Variants in MRPL3 observed in about 807,000 individuals in gnomAD.
MRPL3 encodes mitochondrial ribosomal protein L3.
MRPL3 carries 43 observed loss-of-function variants against 44.3 expected under a neutral mutation model. That is an observed-to-expected ratio of 0.97 (90% CI 0.76 to 1.25). The LOEUF (loss-of-function observed/expected upper bound fraction) is 1.25, where lower values mean the gene tolerates loss of function less well. MRPL3 is among the 50% of genes most tolerant of loss of function. MRPL3 has a pLI of 0.00. For synonymous variants in MRPL3, 171 were observed against 152.3 expected (o/e 1.12, Z -0.91); for missense variants, 406 against 427.6 (o/e 0.95, Z 0.45).
chr3:131,479,046 G>T (rs955529749), intron 6 of MRPL3: 6 of 461,588 alleles, frequency 1.3e-5, no homozygotes, highest in Admixed American at 4.9e-5. Context: ...CTAAGTAGAG[G>T]TTTTTCAATT....
chr3:131,466,548 T>G (rs932608647), intron 9 of MRPL3, among the ~76,000 whole-genome samples: 1 of 152,106 alleles, frequency 6.6e-6, no homozygotes, highest in African/African-American at 2.4e-5. Flanking sequence ...TTAAAAGATA[T>G]AATCAGAGCA....
intron 6 of MRPL3, among the ~76,000 whole-genome samples, chr3:131,481,887 G>A (rs1474900412): frequency 1.3e-5 from 2 of 152,182 alleles, no homozygotes; most frequent in African/African-American, 4.8e-5. Flanking sequence ...GTACAGGACA[G>A]CACAGCAACT....
intron 6 of MRPL3, among the ~76,000 whole-genome samples, chr3:131,476,678 A>G (rs1933859788): frequency 6.6e-6 from 1 of 152,224 alleles, no homozygotes; most frequent in South Asian, 2.1e-4. Context: ...TAGAGTATCT[A>G]TACTAAAATA....
chr3:131,497,368 T>G (rs1452028724), intron 4 of MRPL3, among the ~76,000 whole-genome samples: 1 of 152,246 alleles, frequency 6.6e-6, no homozygotes, highest in Non-Finnish European at 1.5e-5. Flanking sequence ...AAAAGTTAAC[T>G]ATCAGAAAAT....
intron 8 of MRPL3, 41 bp from the exon 9 acceptor site, chr3:131,468,209 G>T (rs1462174819): frequency 1.7e-6 from 2 of 1,180,870 alleles, no homozygotes. Flanking sequence ...GGATATACTT[G>T]TATTAAAACA....
Position 131,502,823 on chromosome 3 carries a change from G to A in MRPL3, c.-2C>T, listed in dbSNP as rs1435845210. ...CGTCAGCAGCCTCCAACCCGGCATG[G>A]ATTAGCCCGGGAAGACTCGACTCAC... On this transcript the variant is annotated 5_prime_UTR_variant, in exon 1 of 10. Transcript: ENST00000264995. 6.2e-7 allele frequency: 1 copy of A among 1,611,752 alleles called. No homozygotes were observed. Among genetic ancestry groups the A allele is most frequent in the Admixed American group, 1.7e-5 (1 of 59,858 alleles).
chr3:131,492,087 A>C (rs986860064), intron 4 of MRPL3, among the ~76,000 whole-genome samples: 3 of 152,136 alleles, frequency 2.0e-5, no homozygotes, highest in African/African-American at 4.8e-5. Context: ...CTTTTCTGCC[A>C]TATTTTTGCA....
At chr3:131,473,148 T>C (rs1582703950) in intron 6 of MRPL3, among the ~76,000 whole-genome samples, 1 of 152,104 alleles carries the variant, frequency 6.6e-6, no homozygotes, top group South Asian at 2.1e-4. Flanking sequence ...ATCATACTAC[T>C]TGACTTCAAA....
At chr3:131,482,147 G>A (rs941244828) in intron 6 of MRPL3, among the ~76,000 whole-genome samples, 1 of 152,112 alleles carries the variant, frequency 6.6e-6, no homozygotes, top group Non-Finnish European at 1.5e-5. Context: ...TTGAATGAAA[G>A]GATCCAAACT....
intron 4 of MRPL3, among the ~76,000 whole-genome samples, chr3:131,496,787 T>A (rs1251410198): frequency 1.3e-5 from 2 of 152,246 alleles, no homozygotes; most frequent in African/African-American, 2.4e-5. Context: ...TTAACTAATT[T>A]AACAATCTGA....
chr3:131,480,649 T>C (rs1388008130), intron 6 of MRPL3, among the ~76,000 whole-genome samples: 1 of 152,114 alleles, frequency 6.6e-6, no homozygotes, highest in African/African-American at 2.4e-5. Context: ...AACACCACAT[T>C]TGCTGTCCTG....
intron 3 of MRPL3, among the ~76,000 whole-genome samples, chr3:131,500,026 G>A (rs547934515): frequency 2.5e-4 from 38 of 152,144 alleles, no homozygotes; most frequent in Non-Finnish European, 5.4e-4. Context: ...TTACCTTAGT[G>A]AACAAAATAC....
intron 6 of MRPL3, among the ~76,000 whole-genome samples, chr3:131,485,844 C>A (rs1175666278): frequency 6.6e-6 from 1 of 152,100 alleles, no homozygotes; most frequent in Admixed American, 6.5e-5. Flanking sequence ...CTAGCACTCC[C>A]CCAGTTTCTT....
intron 6 of MRPL3, among the ~76,000 whole-genome samples, chr3:131,473,789 T>C (rs373005435): frequency 6.6e-5 from 10 of 150,876 alleles, no homozygotes; most frequent in African/African-American, 2.4e-4. Flanking sequence ...GACAAAGAAA[T>C]GGCCAAGTAT....
chr3:131,480,812 T>C (rs1933966284), intron 6 of MRPL3, among the ~76,000 whole-genome samples: 1 of 152,232 alleles, frequency 6.6e-6, no homozygotes, highest in Non-Finnish European at 1.5e-5. Context: ...TACTGTCATG[T>C]ATTATTTCTT....
chr3:131,502,936 T>C lies in MRPL3; in HGVS notation c.-115A>G, dbSNP rs572447045. 18 of 964,832 alleles carry C rather than the reference T, an allele frequency of 1.9e-5. No individual in the cohort carries two copies. Among genetic ancestry groups the C allele is most frequent in the East Asian group, 1.1e-4 (4 of 37,446 alleles). 59.8% of individuals were successfully genotyped at this position (964,832 alleles called of 1,614,324 possible). A position where few individuals can be genotyped will look rare whatever the true frequency, so the allele number is the denominator to read the frequency against. ...AGTAGCCGTGGGGAAGTTTTCGCAATGGCCGCCGGAACGGTCGCCGGCCGA... is the reference window on the plus strand; with the variant it reads ...AGTAGCCGTGGGGAAGTTTTCGCAACGGCCGCCGGAACGGTCGCCGGCCGA... On this transcript the variant is annotated 5_prime_UTR_variant, in exon 1 of 10. Coordinates refer to ENST00000264995, the MANE Select transcript of MRPL3 (RefSeq NM_007208.4).
At chr3:131,494,837 C>CG (rs1186905842) in intron 4 of MRPL3, among the ~76,000 whole-genome samples, 4 of 152,048 alleles carry the variant, frequency 2.6e-5, no homozygotes, top group African/African-American at 9.7e-5. Context: ...TAAATGATTT[C>CG]AAAAGGCAAT....
chr3:131,496,076 T>G (rs1243368166), intron 4 of MRPL3, among the ~76,000 whole-genome samples: 1 of 152,204 alleles, frequency 6.6e-6, no homozygotes, highest in Non-Finnish European at 1.5e-5. Flanking sequence ...CTAGCATGCT[T>G]GATTTACAAA....
intron 6 of MRPL3, among the ~76,000 whole-genome samples, chr3:131,485,985 A>G (rs2110707446): frequency 6.6e-6 from 1 of 152,302 alleles, no homozygotes; most frequent in South Asian, 2.1e-4. Flanking sequence ...AACAAAAAGG[A>G]GAAAACTGAG....
Sources: allele counts gnomAD v4.1 joint callset (sites outside exome capture counted in the v4.1 genomes callset), GRCh38; gene constraint gnomAD v4.1.1; transcripts MANE v1.5; gene names NCBI Gene and HGNC (gene_info 2026-07-23, HGNC 2026-07-21).